The following PCDHA11 variants were observed in gnomAD, a reference collection of about 807,000 sequenced individuals.
PCDHA11 encodes the protein protocadherin alpha-11.
Under a neutral mutation model 70.3 loss-of-function variants are expected in PCDHA11, and 61 were observed. The observed-to-expected ratio is 0.87, with a 90% CI of 0.71 to 1.07. The LOEUF is 1.07. Among genes scored for constraint, PCDHA11 ranks in the 50% least tolerant of loss-of-function variants. The pLI is 0.00. For synonymous variants in PCDHA11, 633 were observed against 555.1 expected, an observed-to-expected ratio of 1.14 and a Z score of -1.97; for missense variants, 1,324 against 1,237.5, an observed-to-expected ratio of 1.07 and a Z score of -1.05.
intron 1 of PCDHA11, among the ~76,000 whole-genome samples, chr5:140,879,645 G>T (rs1392592069): frequency 2.0e-5 from 3 of 152,228 alleles, no homozygotes; most frequent in Non-Finnish European, 4.4e-5. Flanking sequence ...GCTTCCTGTG[G>T]CTGCTATAAC....
chr5:140,895,867 A>C (rs1212053221), intron 1 of PCDHA11, among the ~76,000 whole-genome samples: 1 of 152,154 alleles, frequency 6.6e-6, no homozygotes, highest in Non-Finnish European at 1.5e-5. Context: ...GCTGGAGTGC[A>C]ATGGCGCGAT....
chr5:140,945,998 A>G (rs246057), intron 1 of PCDHA11, among the ~76,000 whole-genome samples: 85,388 of 151,608 alleles, frequency 0.56, 24,621 homozygotes, highest in African/African-American at 0.69. Context: ...GATTGCATCA[A>G]ACTAAAAAGC....
At chr5:140,874,217 A>G (rs2054785474) in intron 1 of PCDHA11, among the ~76,000 whole-genome samples, 1 of 152,214 alleles carries the variant, frequency 6.6e-6, no homozygotes, top group African/African-American at 2.4e-5. Flanking sequence ...TATTATATGC[A>G]GTAGGAATGA....
chr5:140,960,143 T>C (rs1250145398), intron 1 of PCDHA11, among the ~76,000 whole-genome samples: 1 of 152,208 alleles, frequency 6.6e-6, no homozygotes, highest in Non-Finnish European at 1.5e-5. Context: ...TAGATATTAA[T>C]AGCTTGAGAC....
intron 1 of PCDHA11, among the ~76,000 whole-genome samples, chr5:140,873,728 T>C (rs1208346643): frequency 6.6e-6 from 1 of 152,190 alleles, no homozygotes; most frequent in African/African-American, 2.4e-5. Flanking sequence ...TGGCGCAATC[T>C]CAGCTCACTG....
At chr5:140,891,128 C>G (rs1554184692) in intron 1 of PCDHA11, among the ~76,000 whole-genome samples, 1 of 152,100 alleles carries the variant, frequency 6.6e-6, no homozygotes, top group Non-Finnish European at 1.5e-5. Flanking sequence ...AAATGTCATT[C>G]CTTTAAAGGT....
At chr5:140,927,090 C>T (rs368092094) in intron 1 of PCDHA11, 34 of 1,612,532 alleles carry the variant, frequency 2.1e-5, no homozygotes, top group Non-Finnish European at 1.4e-5. Flanking sequence ...AGCTCTACTT[C>T]GGGGTGGATC....
At chr5:140,876,752 C>A (rs374137138) in intron 1 of PCDHA11, 2 of 1,614,194 alleles carry the variant, frequency 1.2e-6, no homozygotes, top group Non-Finnish European at 1.7e-6. Context: ...GTGGTGACTG[C>A]GCGGGATGGG....
At chr5:140,977,836 T>C (rs1300356505) in intron 1 of PCDHA11, among the ~76,000 whole-genome samples, 1 of 152,236 alleles carries the variant, frequency 6.6e-6, no homozygotes, top group African/African-American at 2.4e-5. Flanking sequence ...TCTATTGATA[T>C]TACTATGGCT....
chr5:140,918,901 CTT>C (rs1386679785), intron 1 of PCDHA11, among the ~76,000 whole-genome samples: 6 of 152,198 alleles, frequency 3.9e-5, no homozygotes, highest in African/African-American at 1.4e-4. Flanking sequence ...ATAAATCTCT[CTT>C]GTTTATTAAC....
In PCDHA11 at chr5:140,971,961, T is replaced by C. The variant is rs1412814726; in HGVS notation, c.2392-6988T>C. ...TGTATCCATCTGACTCCAAAAACTT[T>C]TTTTCAATACTATGAGTAGACAGAA... On this transcript the variant is annotated intron_variant, in intron 1 of 3. Transcript: ENST00000398640. 2.0e-5 allele frequency among the ~76,000 whole-genome samples: 3 copies of C among 152,144 alleles called. No homozygotes were observed. The East Asian group carries it at 5.8e-4, about 29-fold the overall frequency.
intron 1 of PCDHA11, among the ~76,000 whole-genome samples, chr5:140,944,186 GTTT>G (rs2093621428): frequency 6.6e-6 from 1 of 151,986 alleles, no homozygotes. Flanking sequence ...TTGTTGGTTT[GTTT>G]TGTTTTGTTT....
intron 3 of PCDHA11, among the ~76,000 whole-genome samples, chr5:141,007,512 G>C (rs2098333445): frequency 6.6e-6 from 1 of 152,040 alleles, no homozygotes; most frequent in Admixed American, 6.6e-5. Context: ...AGACTGCAGT[G>C]AGCTGATATC....
intron 3 of PCDHA11, among the ~76,000 whole-genome samples, chr5:140,995,684 A>T (rs2097694657): frequency 6.6e-6 from 1 of 152,144 alleles, no homozygotes; most frequent in Non-Finnish European, 1.5e-5. Flanking sequence ...ATTTTTTTTA[A>T]TTGTTAAATA....
chr5:140,969,385 C>T, intron 1 of PCDHA11: 1 of 1,598,120 alleles, frequency 6.3e-7, no homozygotes, highest in Non-Finnish European at 8.5e-7. Flanking sequence ...TTACACATCC[C>T]CCAATATCCT....
chr5:140,901,681 T>C (rs144868677), intron 1 of PCDHA11, among the ~76,000 whole-genome samples: 8 of 152,316 alleles, frequency 5.3e-5, no homozygotes, highest in African/African-American at 1.7e-4. Context: ...TTAGGTATTA[T>C]GGGTATTTTG....
chr5:140,877,172 C>T, intron 1 of PCDHA11: 2 of 1,613,816 alleles, frequency 1.2e-6, no homozygotes, highest in Non-Finnish European at 1.7e-6. Flanking sequence ...GCACTGCTGG[C>T]GACTCCGGCT....
intron 3 of PCDHA11, among the ~76,000 whole-genome samples, chr5:140,985,454 A>G (rs1378044295): frequency 1.3e-5 from 2 of 152,188 alleles, no homozygotes; most frequent in Non-Finnish European, 2.9e-5. Context: ...GAAAAGGGAA[A>G]TGCTCCAAAA....
At chr5:140,905,408 C>G (rs1374273315) in intron 1 of PCDHA11, among the ~76,000 whole-genome samples, 1 of 152,142 alleles carries the variant, frequency 6.6e-6, no homozygotes, top group Non-Finnish European at 1.5e-5. Flanking sequence ...TATTTTTATA[C>G]CAGTACCATG....
Sources: allele counts gnomAD v4.1 joint callset (sites outside exome capture counted in the v4.1 genomes callset), GRCh38; gene constraint gnomAD v4.1.1; transcripts MANE v1.5; gene names NCBI Gene and HGNC (gene_info 2026-07-23, HGNC 2026-07-21).